CFH: variants seen among roughly 807,000 people sequenced by gnomAD.
CFH encodes the protein complement factor H.
In CFH, 53 loss-of-function variants were observed where a neutral mutation model predicts 147.3. The ratio of observed to expected loss-of-function variants is 0.36; its 90% CI spans 0.29 to 0.45. The LOEUF (loss-of-function observed/expected upper bound fraction) is 0.45. Ranked by LOEUF, CFH falls within the 20% of genes least tolerant of loss-of-function variation. The probability of loss-of-function intolerance (pLI) is 1.00; values close to 1 mark genes in which losing one functional copy is unlikely to be tolerated. For missense variants in CFH, 1,380 were observed against 1,498.0 expected, an observed-to-expected ratio of 0.92 and a Z score of 1.30; for synonymous variants, 536 against 489.4, an observed-to-expected ratio of 1.10 and a Z score of -1.26.
chr1:196,709,284 A>C (rs1383074769), intron 9 of CFH, among the ~76,000 whole-genome samples: 1 of 152,126 alleles, frequency 6.6e-6, no homozygotes, highest in Non-Finnish European at 1.5e-5. Flanking sequence ...TTCTGTTTAT[A>C]GGGATTATAA....
intron 15 of CFH, among the ~76,000 whole-genome samples, chr1:196,734,488 G>T (rs1325177749): frequency 6.6e-6 from 1 of 152,088 alleles, no homozygotes; most frequent in Non-Finnish European, 1.5e-5. Flanking sequence ...TCCCCCAAAA[G>T]CTAGGATGAT....
intron 17 of CFH, among the ~76,000 whole-genome samples, chr1:196,738,271 T>C (rs1318529265): frequency 1.3e-5 from 2 of 152,302 alleles, no homozygotes; most frequent in Admixed American, 6.5e-5. Context: ...CATTCCACCA[T>C]GGCCTATCCC....
At chr1:196,658,407 A>ATTTTTTTTTTTTTTTTTTTTTTTTTTTTT (rs549213437) in intron 1 of CFH, among the ~76,000 whole-genome samples, 7 of 92,254 alleles carry the variant, frequency 7.6e-5, no homozygotes, top group East Asian at 3.4e-4. Flanking sequence ...TGCTCAGGTA[A>ATTTTTTTTTTTTTTTTTTTTTTTTTTTTT]TTTTTTTTTT....
At position 196,682,876 on chromosome 1, in the gene CFH, C is replaced by T. The variant is rs1046025532; in HGVS notation, c.791-2188C>T. Among the ~76,000 whole-genome samples the T allele has an allele frequency of 3.3e-5, 5 of 151,424 alleles. No homozygotes were observed. In the Admixed American group the frequency reaches 3.3e-4, roughly 10 times the overall value. ...TGTTAGCTATAGAGATATATTAAAG[C>T]TTATTCTGTCAGAACGAAGTATAAA... On this transcript the variant is annotated intron_variant, in intron 6 of 21. Transcript: ENST00000367429.
intron 9 of CFH, 40 bp downstream of exon 9, chr1:196,690,279 T>C: frequency 6.2e-7 from 1 of 1,609,664 alleles, no homozygotes; most frequent in African/African-American, 1.3e-5. Context: ...GTTCATGTCT[T>C]TCTAAGTAAC....
At chr1:196,731,881 T>C (rs1402898826) in intron 15 of CFH, among the ~76,000 whole-genome samples, 1 of 152,066 alleles carries the variant, frequency 6.6e-6, no homozygotes, top group Non-Finnish European at 1.5e-5. Flanking sequence ...AATTCCATTT[T>C]ATGTAACCAT....
chr1:196,682,981 T>C (rs951472219), intron 6 of CFH, among the ~76,000 whole-genome samples: 2 of 84,320 alleles, frequency 2.4e-5, no homozygotes, highest in African/African-American at 1.2e-4. Context: ...CTTTATAAAA[T>C]TTTATGTTTG....
At chr1:196,710,168 C>A (rs747986641) in intron 9 of CFH, among the ~76,000 whole-genome samples, 1 of 152,068 alleles carries the variant, frequency 6.6e-6, no homozygotes, top group Non-Finnish European at 1.5e-5. Context: ...AATTGACAAC[C>A]CAAATTTTCT....
intron 4 of CFH, chr1:196,676,931 A>C (rs1281560111): frequency 6.6e-6 from 1 of 152,570 alleles, no homozygotes; most frequent in East Asian, 1.9e-4. Context: ...TAAAATTTTT[A>C]TTTTAACAAG....
At chr1:196,716,020 T>C (rs1389764189) in intron 11 of CFH, among the ~76,000 whole-genome samples, 3 of 152,130 alleles carry the variant, frequency 2.0e-5, no homozygotes, top group African/African-American at 7.2e-5. Flanking sequence ...TTTGTTACCC[T>C]AAATAAAAGC....
chr1:196,705,102 C>A (rs765909721), intron 9 of CFH, among the ~76,000 whole-genome samples: 17 of 152,150 alleles, frequency 1.1e-4, no homozygotes, highest in Non-Finnish European at 1.9e-4. Flanking sequence ...GTTTTGGGAC[C>A]TCCAATTGAA....
intron 6 of CFH, among the ~76,000 whole-genome samples, chr1:196,684,038 T>G (rs1465278409): frequency 6.6e-6 from 1 of 151,962 alleles, no homozygotes; most frequent in Non-Finnish European, 1.5e-5. Context: ...TTAAAATGCA[T>G]AGTATTTTAT....
chr1:196,720,302 T>C (rs1180378107), intron 11 of CFH, among the ~76,000 whole-genome samples: 1 of 152,020 alleles, frequency 6.6e-6, no homozygotes, highest in Admixed American at 6.6e-5. Context: ...GTTTTATATG[T>C]TTAGATGGTC....
intron 15 of CFH, among the ~76,000 whole-genome samples, chr1:196,731,268 G>A (rs1383920106): frequency 6.6e-6 from 1 of 151,784 alleles, no homozygotes; most frequent in African/African-American, 2.4e-5. Context: ...CCTTAGGCTT[G>A]CATAGCATAC....
chr1:196,702,100 G>T (rs1222991088), intron 9 of CFH, among the ~76,000 whole-genome samples: 1 of 152,130 alleles, frequency 6.6e-6, no homozygotes, highest in East Asian at 1.9e-4. Context: ...TGTTTGGACT[G>T]ATTTACAAGA....
chr1:196,701,647 C>G, intron 9 of CFH: 2 of 350,374 alleles, frequency 5.7e-6, no homozygotes, highest in Non-Finnish European at 1.1e-5. Flanking sequence ...TGTGGCAAGC[C>G]AGGTCGAGGT....
chr1:196,709,480 A>G (rs1290501915), intron 9 of CFH, among the ~76,000 whole-genome samples: 1 of 152,134 alleles, frequency 6.6e-6, no homozygotes, highest in African/African-American at 2.4e-5. Context: ...TGCCCGATTC[A>G]TACCATATTA....
At chr1:196,653,147 A>G (rs973507296) in intron 1 of CFH, among the ~76,000 whole-genome samples, 4 of 151,788 alleles carry the variant, frequency 2.6e-5, no homozygotes, top group Non-Finnish European at 4.4e-5. Context: ...CCAATCTAGA[A>G]AATAAAAGCA....
chr1:196,704,936 C>G (rs1323844292), intron 9 of CFH, among the ~76,000 whole-genome samples: 1 of 152,128 alleles, frequency 6.6e-6, no homozygotes, highest in Non-Finnish European at 1.5e-5. Context: ...CTGAAGGATG[C>G]CTTCATCTGT....
Sources: allele counts gnomAD v4.1 joint callset (sites outside exome capture counted in the v4.1 genomes callset), GRCh38; gene constraint gnomAD v4.1.1; transcripts MANE v1.5; gene names NCBI Gene and HGNC (gene_info 2026-07-23, HGNC 2026-07-21).